Variants in SPAG16 observed in about 807,000 individuals in gnomAD.
The protein encoded by SPAG16 is sperm associated antigen 16.
SPAG16 carries 86 observed loss-of-function variants against 80.4 expected under a neutral mutation model. The ratio of observed to expected loss-of-function variants is 1.07; its 90% CI spans 0.90 to 1.28. The LOEUF (loss-of-function observed/expected upper bound fraction) is 1.28. Ranked by LOEUF, SPAG16 falls within the 50% of genes most tolerant of loss-of-function variation. The probability of loss-of-function intolerance (pLI) is 0.00; values close to 1 mark genes in which losing one functional copy is unlikely to be tolerated. For synonymous variants in SPAG16, 294 were observed against 265.9 expected, an observed-to-expected ratio of 1.11 and a Z score of -1.03; for missense variants, 870 against 765.3, an observed-to-expected ratio of 1.14 and a Z score of -1.61.
At chr2:213,395,456 A>G (rs569821065) in intron 9 of SPAG16, among the ~76,000 whole-genome samples, 1 of 152,246 alleles carries the variant, frequency 6.6e-6, no homozygotes, top group African/African-American at 2.4e-5. Context: ...CTTTACTTCC[A>G]TCAAGTCTTC....
intron 15 of SPAG16, among the ~76,000 whole-genome samples, chr2:214,400,957 G>A (rs891120019): frequency 2.0e-5 from 3 of 151,956 alleles, no homozygotes; most frequent in Non-Finnish European, 2.9e-5. Flanking sequence ...AGAAAAGTTA[G>A]GACCCTTTAG....
chr2:214,318,828 C>T (rs1695878090), intron 15 of SPAG16, among the ~76,000 whole-genome samples: 1 of 152,134 alleles, frequency 6.6e-6, no homozygotes, highest in Admixed American at 6.5e-5. Context: ...ACTAACTTGG[C>T]TCTAGCCGAC....
At chr2:214,146,009 C>T (rs1403834216) in intron 14 of SPAG16, among the ~76,000 whole-genome samples, 2 of 152,134 alleles carry the variant, frequency 1.3e-5, no homozygotes, top group Non-Finnish European at 2.9e-5. Flanking sequence ...AGGATCAGTA[C>T]TACTACCAAT....
At chr2:213,986,826 G>A (rs374459224) in intron 12 of SPAG16, among the ~76,000 whole-genome samples, 1 of 125,970 alleles carries the variant, frequency 7.9e-6, no homozygotes, top group Non-Finnish European at 1.6e-5. Context: ...GTAAGTATTT[G>A]TCTAATTTAA....
chr2:213,342,027 G>A (rs1161548352), intron 6 of SPAG16, among the ~76,000 whole-genome samples: 2 of 151,936 alleles, frequency 1.3e-5, no homozygotes, highest in East Asian at 1.9e-4. Context: ...ATATTCCAGT[G>A]AAATTCTATG....
At chr2:213,875,131 G>T (rs1237986241) in intron 11 of SPAG16, among the ~76,000 whole-genome samples, 1 of 150,898 alleles carries the variant, frequency 6.6e-6, no homozygotes, top group Non-Finnish European at 1.5e-5. Flanking sequence ...TTGAGACAGG[G>T]TCTCACTTTA....
chr2:213,572,615 G>C (rs1472312286), intron 10 of SPAG16, among the ~76,000 whole-genome samples: 1 of 152,108 alleles, frequency 6.6e-6, no homozygotes. Context: ...CCAGCTGCGT[G>C]CTGGGAGAAC....
intron 12 of SPAG16, among the ~76,000 whole-genome samples, chr2:213,970,857 A>G (rs779443247): frequency 3.9e-5 from 6 of 152,218 alleles, no homozygotes; most frequent in Non-Finnish European, 7.3e-5. Context: ...AGTTTACATA[A>G]TTATACCTCT....
At position 214,342,141 on chromosome 2, in the gene SPAG16, TTA is replaced by T. The variant is rs571090723; in HGVS notation, c.1721-67995_1721-67994del. Among the ~76,000 whole-genome samples the T allele has an allele frequency of 3.4e-4, 52 of 152,316 alleles. No individual in the cohort carries two copies. The South Asian group carries it at 0.01, about 30-fold the overall frequency. On this transcript the variant is annotated intron_variant, in intron 15 of 15. Transcript: ENST00000331683. ...TTAAGGAACGATTTTAAGTAATTGGTTATATGTTTAAAAAATAATTTATTTGA... is the reference window on the plus strand; with the variant it reads ...TTAAGGAACGATTTTAAGTAATTGGTTATGTTTAAAAAATAATTTATTTGA...
At chr2:214,147,477 G>A (rs986473353) in intron 14 of SPAG16, among the ~76,000 whole-genome samples, 4 of 152,000 alleles carry the variant, frequency 2.6e-5, no homozygotes, top group East Asian at 1.9e-4. Flanking sequence ...ATTAAATTCC[G>A]ATAAAAACTT....
intron 15 of SPAG16, among the ~76,000 whole-genome samples, chr2:214,166,813 C>T (rs551805101): frequency 2.0e-5 from 3 of 151,898 alleles, no homozygotes; most frequent in African/African-American, 7.3e-5. Context: ...GAATATATAA[C>T]GAGTTTTCAA....
At chr2:213,504,326 C>T (rs1238335468) in intron 10 of SPAG16, among the ~76,000 whole-genome samples, 1 of 151,930 alleles carries the variant, frequency 6.6e-6, no homozygotes, top group African/African-American at 2.4e-5. Flanking sequence ...AAACCTGGGT[C>T]CCTGGTTATG....
intron 9 of SPAG16, among the ~76,000 whole-genome samples, chr2:213,387,431 CTTTTTT>C (rs71060428): frequency 1.9e-4 from 9 of 47,906 alleles, no homozygotes; most frequent in Non-Finnish European, 2.9e-4. Flanking sequence ...AATGCATGCT[CTTTTTT>C]TTTTTTTTTT....
chr2:213,416,506 CTA>C, intron 9 of SPAG16, among the ~76,000 whole-genome samples: 1 of 151,668 alleles, frequency 6.6e-6, no homozygotes, highest in East Asian at 1.9e-4. Flanking sequence ...ATACAGCATG[CTA>C]TATAACACTT....
intron 13 of SPAG16, among the ~76,000 whole-genome samples, chr2:214,087,699 T>C (rs1006337863): frequency 5.3e-5 from 8 of 151,998 alleles, no homozygotes; most frequent in African/African-American, 1.9e-4. Context: ...AACCAGGGAA[T>C]TAAAAGAAAC....
chr2:213,888,917 T>C (rs2076670549), intron 11 of SPAG16, among the ~76,000 whole-genome samples: 1 of 152,010 alleles, frequency 6.6e-6, no homozygotes, highest in Non-Finnish European at 1.5e-5. Flanking sequence ...ATCTACTTCA[T>C]AGAACTGATA....
chr2:214,101,703 A>G (rs568927615), intron 13 of SPAG16, among the ~76,000 whole-genome samples: 16 of 152,276 alleles, frequency 1.1e-4, no homozygotes, highest in African/African-American at 2.6e-4. Context: ...CAAAACTGGA[A>G]AAGTGTCATG....
intron 15 of SPAG16, among the ~76,000 whole-genome samples, chr2:214,380,201 C>A (rs1700368177): frequency 6.6e-6 from 1 of 152,130 alleles, no homozygotes; most frequent in Non-Finnish European, 1.5e-5. Context: ...ATAGTAATGG[C>A]CTTTAAAACA....
rs540097532 is a variant in SPAG16, at chr2:214,101,993, A to G, written c.1528-6203A>G. On this transcript the variant is annotated intron_variant, in intron 13 of 15. Coordinates refer to ENST00000331683, the MANE Select transcript of SPAG16 (RefSeq NM_024532.5). ...CCCGGGTTAGAACTACACTGAAGCA[A>G]AGGTGTTGGGGAATAAGAAAGTGCA... Among the ~76,000 whole-genome samples the G allele has an allele frequency of 6.6e-5, 10 of 152,250 alleles. No individual in the cohort carries two copies. In the South Asian group the frequency reaches 2.1e-3, roughly 32 times the overall value.
Sources: allele counts gnomAD v4.1 joint callset (sites outside exome capture counted in the v4.1 genomes callset), GRCh38; gene constraint gnomAD v4.1.1; transcripts MANE v1.5; gene names NCBI Gene and HGNC (gene_info 2026-07-23, HGNC 2026-07-21).